The following RAB29 variants were observed in gnomAD, a reference collection of about 807,000 sequenced individuals.
RAB29 encodes RAB29, member RAS oncogene family.
A neutral mutation model predicts 25.5 loss-of-function variants in RAB29; 13 were observed. The observed-to-expected ratio is 0.51, with a 90% confidence interval of 0.33 to 0.81. RAB29 has a LOEUF of 0.81. Ranked by LOEUF, RAB29 falls within the 30% of genes least tolerant of loss-of-function variation. The pLI is 0.02. For synonymous variants in RAB29, 88 were observed against 95.0 expected, an observed-to-expected ratio of 0.93 and a Z score of 0.43; for missense variants, 201 against 254.9, an observed-to-expected ratio of 0.79 and a Z score of 1.44.
intron 3 of RAB29, 119 bp downstream of exon 3, chr1:205,772,377 G>A: frequency 2.9e-6 from 3 of 1,022,780 alleles, no homozygotes; most frequent in Non-Finnish European, 4.6e-6. Context: ...CCTCAGAGCA[G>A]CTCAATCATT....
rs776578137 is a variant in RAB29, at chr1:205,770,460, G to A, written c.501-7C>T. 3.7e-6 allele frequency: 6 copies of A among 1,610,680 alleles called. No homozygotes were observed. The Admixed American group carries it at 1.0e-4, about 27-fold the overall frequency. On this transcript the variant is annotated splice_polypyrimidine_tract_variant and splice_region_variant and intron_variant, in intron 5 of 5. Transcript: ENST00000367139. ...CATCTTTTCAATGAGGACTCTAAAA[G>A]ACAAAAAATAAGCCTGAGAAGCTTA... is the stretch of plus-strand genomic sequence containing the variant.
In RAB29 at chr1:205,768,533, TTTTG is replaced by T. The variant is rs1321125618; in HGVS notation, c.*1805_*1808del. The stretch of plus-strand genomic sequence containing the variant: ...GGTCGGGACCCAAAAATCTTTTTCT[TTTTG>T]TTTTTTTTTTTTGGAGATGGAGTTT... On this transcript the variant is annotated 3_prime_UTR_variant, in exon 6 of 6. Coordinates refer to ENST00000367139, the MANE Select transcript of RAB29 (RefSeq NM_003929.3). 3 of 32,632 alleles carry T rather than the reference TTTTG, an allele frequency of 9.2e-5. No individual in the cohort carries two copies. Among genetic ancestry groups the T allele is most frequent in the Non-Finnish European group, 1.4e-4 (1 of 6,928 alleles). The allele number at this position is 32,632 out of a possible 1,614,324, so 2.0% of individuals were successfully genotyped here. A position where few individuals can be genotyped will look rare whatever the true frequency, so the allele number is the denominator to read the frequency against.
In RAB29 at chr1:205,769,126, C is replaced by T. The variant is rs1410862491; in HGVS notation, c.*1216G>A. The T allele has an allele frequency of 6.6e-6, 1 of 152,194 alleles. No homozygotes were observed. The highest frequency in any genetic ancestry group is 1.9e-4 in the East Asian group (1 of 5,194). The allele number at this position is 152,194 out of a possible 1,614,324, so 9.4% of individuals were successfully genotyped here. On this transcript the variant is annotated 3_prime_UTR_variant, in exon 6 of 6. Coordinates refer to ENST00000367139, the MANE Select transcript of RAB29 (RefSeq NM_003929.3). The stretch of plus-strand genomic sequence containing the variant: ...TTTTCTGTCTATCTACTTTCCTCCC[C>T]CAGGCTAGGACCTGCACATAATATG...
chr1:205,774,799 C>CCCCCCA, intron 2 of RAB29, 34 bp downstream of exon 2: 7 of 680,966 alleles, frequency 1.0e-5, no homozygotes, highest in East Asian at 3.3e-5. Flanking sequence ...GCCTCCTCCT[C>CCCCCCA]CCCCTCCCCC....
intron 2 of RAB29, 30 bp downstream of exon 2, chr1:205,774,803 C>A: frequency 1.4e-6 from 2 of 1,445,872 alleles, no homozygotes; most frequent in Non-Finnish European, 1.9e-6. Context: ...CCTCCTCCCC[C>A]TCCCCCTCCC....
Position 205,769,300 on chromosome 1 carries a change from T to C in RAB29, c.*1042A>G, listed in dbSNP as rs1263971773. On this transcript the variant is annotated 3_prime_UTR_variant, in exon 6 of 6. Coordinates refer to ENST00000367139, the MANE Select transcript of RAB29 (RefSeq NM_003929.3). ...CAGCCAGCTGATGTCACTTGCAGTA[T>C]TATGCATTAAGACATCAACCCAGAA... The C allele has an allele frequency of 6.6e-6, 1 of 152,242 alleles. No homozygotes were observed. The highest frequency in any genetic ancestry group is 2.4e-5 in the African/African-American group (1 of 41,466). The allele number at this position is 152,242 out of a possible 1,614,324, so 9.4% of individuals were successfully genotyped here. A position where few individuals can be genotyped will look rare whatever the true frequency, so the allele number is the denominator to read the frequency against.
intron 1 of RAB29, 84 bp downstream of exon 1, chr1:205,775,189 A>G: frequency 2.0e-6 from 1 of 503,862 alleles, no homozygotes; most frequent in Non-Finnish European, 3.5e-6. Context: ...GCGAGCTCCG[A>G]GCCCCCGGCT....
Position 205,771,618 on chromosome 1 carries a change from A to G in RAB29, c.232T>C (p.Tyr78His). 6.2e-7 allele frequency: 1 copy of G among 1,614,158 alleles called. No homozygotes were observed. The highest frequency in any genetic ancestry group is 8.5e-7 in the Non-Finnish European group (1 of 1,180,026). The change falls in exon 4 of 6, where the codon TAT (tyrosine) becomes CAT (histidine). Residue 78 changes from tyrosine to histidine, a missense_variant. Physicochemically the swap from Tyr to His is moderately conservative, Grantham distance 83. Transcript: ENST00000367139. ...ATAACACAGGCAGAGGCATCCCGAT[A>G]ATACAATCGTGTCATAGAGGTGAAG... ...ERFTSMTRLY[Y>H]RDASACVIMF...
intron 4 of RAB29, 173 bp downstream of exon 4, chr1:205,771,298 CA>C (rs35188989): frequency 0.05 from 30,516 of 605,104 alleles, no homozygotes; most frequent in Middle Eastern, 0.059. Flanking sequence ...GACTCCGTCT[CA>C]AAAAAAAAAA....
chr1:205,772,396 AG>A, intron 3 of RAB29, 99 bp downstream of exon 3: 1 of 1,249,988 alleles, frequency 8.0e-7, no homozygotes, highest in Non-Finnish European at 1.2e-6. Context: ...TTCCAGCTTC[AG>A]AAAAACAATT....
chr1:205,770,558 T>C, intron 5 of RAB29, 105 bp from the exon 6 acceptor site: 1 of 1,403,742 alleles, frequency 7.1e-7, no homozygotes, highest in Non-Finnish European at 9.9e-7. Flanking sequence ...AGCCAGAAGG[T>C]TTAAATGCCC....
chr1:205,774,812 C>T (rs1161983781), intron 2 of RAB29, 21 bp downstream of exon 2: 22 of 1,554,220 alleles, frequency 1.4e-5, no homozygotes, highest in Non-Finnish European at 1.9e-5. Context: ...CCTCCCCCTC[C>T]CCACCCCCGA....
At chr1:205,775,115 A>G in intron 1 of RAB29, 29 bp from the exon 2 acceptor site, 1 of 979,206 alleles carries the variant, frequency 1.0e-6, no homozygotes, top group Non-Finnish European at 1.5e-6. Context: ...AAAAAAGGAA[A>G]CTTTGCACTC....
At chr1:205,770,574 T>TC in intron 5 of RAB29, 121 bp from the exon 6 acceptor site, 2 of 1,400,990 alleles carry the variant, frequency 1.4e-6, no homozygotes, top group South Asian at 2.4e-5. Context: ...TGCCCCTTTG[T>TC]CCCCAGTTAT....
rs909051401 is a variant in RAB29 at position 205,769,190 on chromosome 1, C to A, written c.*1152G>T. 1 of 142,686 alleles carries A rather than the reference C, an allele frequency of 7.0e-6. No homozygotes were observed. The highest frequency in any genetic ancestry group is 1.6e-5 in the Non-Finnish European group (1 of 63,174). The allele number at this position is 142,686 out of a possible 1,614,324, so 8.8% of individuals were successfully genotyped here. A position where few individuals can be genotyped will look rare whatever the true frequency, so the allele number is the denominator to read the frequency against. Reference sequence around the variant, plus strand: ...AGTGCCTACGTGTTCACAAAGTTGCCCCAGTGGAGGTTGTTAACTTCTCTC... The same window carrying A: ...AGTGCCTACGTGTTCACAAAGTTGCACCAGTGGAGGTTGTTAACTTCTCTC... On this transcript the variant is annotated 3_prime_UTR_variant, in exon 6 of 6. Coordinates refer to ENST00000367139, the MANE Select transcript of RAB29 (RefSeq NM_003929.3).
chr1:205,768,692 C>T lies in RAB29; in HGVS notation c.*1650G>A, dbSNP rs1197333282. 1 of 152,030 alleles carries T rather than the reference C, an allele frequency of 6.6e-6. No homozygotes were observed. Among genetic ancestry groups the T allele is most frequent in the Non-Finnish European group, 1.5e-5 (1 of 68,060 alleles). 9.4% of individuals were successfully genotyped at this position (152,030 alleles called of 1,614,324 possible). The stretch of plus-strand genomic sequence containing the variant: ...GGGATTACAGGTGCCCGCCACCACG[C>T]CCAGCTAATTTTTCTTATTTTTAGT... On this transcript the variant is annotated 3_prime_UTR_variant, in exon 6 of 6. Coordinates refer to ENST00000367139, the MANE Select transcript of RAB29 (RefSeq NM_003929.3).
intron 5 of RAB29, 70 bp downstream of exon 5, chr1:205,770,663 G>C (rs1353467622): frequency 6.9e-6 from 11 of 1,604,962 alleles, no homozygotes; most frequent in Non-Finnish European, 8.5e-6. Flanking sequence ...TCAGAAATAA[G>C]AAAAGAGGGT....
intron 2 of RAB29, 68 bp downstream of exon 2, chr1:205,774,765 C>T (rs943436356): frequency 1.1e-5 from 16 of 1,509,912 alleles, no homozygotes; most frequent in Middle Eastern, 2.1e-4. Flanking sequence ...CCACTTGGGT[C>T]CCCAGCTCGA....
chr1:205,769,918 C>T lies in RAB29; in HGVS notation c.*424G>A, dbSNP rs1157528212. ...AGAAAGAATCTGAAACAACGGCCTA[C>T]AAGAAATTTGGGAAATGACATTTGA... On this transcript the variant is annotated 3_prime_UTR_variant, in exon 6 of 6. Coordinates refer to ENST00000367139, the MANE Select transcript of RAB29 (RefSeq NM_003929.3). 1 of 206,766 alleles carries T rather than the reference C, an allele frequency of 4.8e-6. No individual in the cohort carries two copies. The highest frequency in any genetic ancestry group is 1.3e-4 in the East Asian group (1 of 7,710). The allele number at this position is 206,766 out of a possible 1,614,324, so 12.8% of individuals were successfully genotyped here. A position where few individuals can be genotyped will look rare whatever the true frequency, so the allele number is the denominator to read the frequency against.
Sources: allele counts gnomAD v4.1 joint callset, GRCh38; gene constraint gnomAD v4.1.1; transcripts MANE v1.5; gene names NCBI Gene and HGNC (gene_info 2026-07-23, HGNC 2026-07-21).